Variants in SMPD3 observed in about 807,000 individuals in gnomAD.
SMPD3 encodes sphingomyelin phosphodiesterase 3.
In SMPD3, 21 loss-of-function variants were observed where a neutral mutation model predicts 55.7. The ratio of observed to expected loss-of-function variants is 0.38; its 90% CI spans 0.27 to 0.54. SMPD3 has a LOEUF of 0.54. SMPD3 is among the 20% of genes least tolerant of loss of function. SMPD3 has a pLI of 0.80. For synonymous variants in SMPD3, 457 were observed against 404.3 expected (o/e 1.13, Z -1.56); for missense variants, 842 against 899.6 (o/e 0.94, Z 0.82).
Position 68,372,288 on chromosome 16 carries a change from T to A in SMPD3, c.-107A>T. 3 of 1,426,392 alleles carry A rather than the reference T, an allele frequency of 2.1e-6. No individual in the cohort carries two copies. Among genetic ancestry groups the A allele is most frequent in the Non-Finnish European group, 1.9e-6 (2 of 1,045,340 alleles). The allele number at this position is 1,426,392 out of a possible 1,614,324, so 88.4% of individuals were successfully genotyped here. A position where few individuals can be genotyped will look rare whatever the true frequency, so the allele number is the denominator to read the frequency against. ...GAGTTGGGGGCAGCTGGAGGAGGGG[T>A]CACCTCCTGGCGAGATGCAACTCCG... On this transcript the variant is annotated 5_prime_UTR_variant, in exon 3 of 9. The change abolishes the stop of an existing upstream ORF in the 5' untranslated region. Transcript: ENST00000219334.
chr16:68,417,156 A>G (rs1026361961), intron 1 of SMPD3, among the ~76,000 whole-genome samples: 2 of 152,276 alleles, frequency 1.3e-5, no homozygotes, highest in Admixed American at 6.5e-5. Context: ...AGGGGGTACC[A>G]AGGCCAGGTC....
chr16:68,438,272 T>A lies in SMPD3; in HGVS notation c.-269+10081A>T, dbSNP rs1302154135. On this transcript the variant is annotated intron_variant, in intron 1 of 8. Coordinates refer to ENST00000219334, the MANE Select transcript of SMPD3 (RefSeq NM_018667.4). Reference sequence around the variant, plus strand: ...GCCTGCGACTTGACACAGGCAGGAATCCTTGTGGCAGACCTGCTACCCTTC... The same window carrying A: ...GCCTGCGACTTGACACAGGCAGGAAACCTTGTGGCAGACCTGCTACCCTTC... Among the ~76,000 whole-genome samples the A allele has an allele frequency of 3.3e-5, 5 of 152,344 alleles. No homozygotes were observed. In the East Asian group the frequency reaches 9.6e-4, roughly 29 times the overall value.
chr16:68,361,346 A>G lies in SMPD3; in HGVS notation c.1867-39T>C, dbSNP rs370810472. ...GAGAGGGGAGAAACAGCCTGGTCAG[A>G]TTCCAAGGGCATCTTGCAGGGAGCG... On this transcript the variant is annotated intron_variant, in intron 8 of 8. Transcript: ENST00000219334. The G allele has an allele frequency of 6.0e-4, 954 of 1,578,416 alleles. 14 individuals are homozygous for G. In the South Asian group the frequency reaches 0.01, roughly 17 times the overall value.
chr16:68,363,324 G>A (rs1380312621), intron 7 of SMPD3, among the ~76,000 whole-genome samples, 172 bp downstream of exon 7: 1 of 152,164 alleles, frequency 6.6e-6, no homozygotes, highest in Non-Finnish European at 1.5e-5. Flanking sequence ...CTACCTGCCT[G>A]GCCCAGCTCC....
intron 1 of SMPD3, among the ~76,000 whole-genome samples, chr16:68,431,809 C>G (rs933446172): frequency 6.6e-6 from 1 of 152,156 alleles, no homozygotes; most frequent in South Asian, 2.1e-4. Flanking sequence ...GTAATCCCAG[C>G]TACTTGGGAG....
intron 1 of SMPD3, among the ~76,000 whole-genome samples, chr16:68,400,214 G>A (rs914636275): frequency 1.3e-5 from 2 of 152,194 alleles, no homozygotes; most frequent in South Asian, 2.1e-4. Flanking sequence ...AATACGTGTC[G>A]GGGGTGATGT....
intron 1 of SMPD3, among the ~76,000 whole-genome samples, chr16:68,405,427 G>C (rs766006334): frequency 6.6e-6 from 1 of 151,566 alleles, no homozygotes; most frequent in Non-Finnish European, 1.5e-5. Flanking sequence ...GCACACACCC[G>C]TGGTCCCAGC....
At position 68,372,271 on chromosome 16, in the gene SMPD3, G is replaced by T; in HGVS notation, c.-90C>A. On this transcript the variant is annotated 5_prime_UTR_variant, in exon 3 of 9. Coordinates refer to ENST00000219334, the MANE Select transcript of SMPD3 (RefSeq NM_018667.4). ...CCTGGGCGAGGGTGGGCGAGTTGGG[G>T]GCAGCTGGAGGAGGGGTCACCTCCT... 1.3e-6 allele frequency: 2 copies of T among 1,519,918 alleles called. No homozygotes were observed. The highest frequency in any genetic ancestry group is 1.8e-6 in the Non-Finnish European group (2 of 1,122,888). 94.2% of individuals were successfully genotyped at this position (1,519,918 alleles called of 1,614,324 possible).
chr16:68,376,994 C>A (rs1425925487), intron 2 of SMPD3, among the ~76,000 whole-genome samples: 1 of 152,068 alleles, frequency 6.6e-6, no homozygotes, highest in African/African-American at 2.4e-5. Context: ...GACCTCCCGA[C>A]CACTCCTCCC....
chr16:68,381,072 C>T (rs11862968), intron 2 of SMPD3, among the ~76,000 whole-genome samples: 4 of 152,050 alleles, frequency 2.6e-5, no homozygotes, highest in Non-Finnish European at 5.9e-5. Context: ...TTTATGCAGA[C>T]CTTAAGAAGC....
At position 68,371,380 on chromosome 16, in the gene SMPD3, T is replaced by G; in HGVS notation, c.802A>C (p.Arg268=). The G allele has an allele frequency of 6.4e-7, 1 of 1,569,182 alleles. No homozygotes were observed. Among genetic ancestry groups the G allele is most frequent in the Non-Finnish European group, 8.6e-7 (1 of 1,167,032 alleles). The part of the protein sequence containing the change: ...ADDPVPGGQA[R]NGAGGGPRGQ... ...CTTGGGCCCCCGCCAGCTCCGTTCC[T>G]GGCCTGGCCCCCAGGCACAGGGTCG... is the stretch of plus-strand genomic sequence containing the variant. Residue 268 remains arginine (R), a synonymous_variant, in exon 3 of 9, where the codon AGG becomes CGG. Transcript: ENST00000219334.
intron 7 of SMPD3, 22 bp from the exon 8 acceptor site, chr16:68,361,781 A>C: frequency 1.4e-6 from 2 of 1,452,506 alleles, no homozygotes; most frequent in Non-Finnish European, 1.9e-6. Flanking sequence ...TGCAGGAGGC[A>C]GGTGGGCCCC....
intron 1 of SMPD3, among the ~76,000 whole-genome samples, chr16:68,413,781 G>T (rs1012123882): frequency 2.6e-5 from 4 of 152,156 alleles, no homozygotes; most frequent in Non-Finnish European, 2.9e-5. Context: ...GATTTTAATG[G>T]GTAGAGCATG....
intron 1 of SMPD3, among the ~76,000 whole-genome samples, chr16:68,417,020 C>T (rs1597657435): frequency 6.6e-6 from 1 of 152,310 alleles, no homozygotes; most frequent in East Asian, 1.9e-4. Flanking sequence ...GTCTTCAGGG[C>T]TGGTGCACCC....
intron 1 of SMPD3, among the ~76,000 whole-genome samples, chr16:68,407,217 G>A (rs760112670): frequency 2.1e-4 from 32 of 152,118 alleles, no homozygotes; most frequent in Non-Finnish European, 3.4e-4. Flanking sequence ...GGTTGCTAAG[G>A]GCATTTAGGG....
rs575774387 is a variant in SMPD3 at position 68,396,628 on chromosome 16, G to C, written c.-268-9969C>G. Among the ~76,000 whole-genome samples, 11 of 148,748 alleles carry C rather than the reference G, an allele frequency of 7.4e-5. No homozygotes were observed. In the South Asian group the frequency reaches 2.4e-3, roughly 32 times the overall value. On this transcript the variant is annotated intron_variant, in intron 1 of 8. Transcript: ENST00000219334. ...GCTCCAAGCACAGGGCCCAGTCCCT[G>C]ACAGGCATTCCAGGAACCTCGGTGG...
chr16:68,436,991 C>T (rs1343975446), intron 1 of SMPD3, among the ~76,000 whole-genome samples: 1 of 152,248 alleles, frequency 6.6e-6, no homozygotes, highest in Non-Finnish European at 1.5e-5. Context: ...CGACTTGCCT[C>T]ACCTGTTGGG....
At chr16:68,396,721 C>T (rs2090160949) in intron 1 of SMPD3, among the ~76,000 whole-genome samples, 1 of 152,234 alleles carries the variant, frequency 6.6e-6, no homozygotes, top group African/African-American at 2.4e-5. Flanking sequence ...CCTTTGTACA[C>T]ACCAGGGGGC....
intron 1 of SMPD3, among the ~76,000 whole-genome samples, chr16:68,435,839 A>G (rs1210658860): frequency 6.6e-6 from 1 of 152,232 alleles, no homozygotes; most frequent in East Asian, 1.9e-4. Flanking sequence ...GTGCTATGGC[A>G]GGGCCAGCCT....
Sources: gnomAD v4.1 joint callset for allele counts (sites outside exome capture counted in the v4.1 genomes callset) on GRCh38, gnomAD v4.1.1 for gene constraint, MANE v1.5 for transcripts, NCBI Gene and HGNC (gene_info 2026-07-23, HGNC 2026-07-21) for gene names.